The following PDSS2 variants were observed in gnomAD, a reference collection of about 807,000 sequenced individuals.
PDSS2 encodes the protein decaprenyl diphosphate synthase subunit 2, also known as all trans-polyprenyl-diphosphate synthase PDSS2.
In PDSS2, 31 loss-of-function variants were observed where a neutral mutation model predicts 44.5. The observed-to-expected ratio is 0.70, with a 90% CI of 0.52 to 0.94. The LOEUF (loss-of-function observed/expected upper bound fraction) is 0.94. Among genes scored for constraint, PDSS2 ranks in the 40% least tolerant of loss-of-function variants. The pLI is 0.00. For synonymous variants in PDSS2, 157 were observed against 180.3 expected, an observed-to-expected ratio of 0.87 and a Z score of 1.03; for missense variants, 452 against 482.2, an observed-to-expected ratio of 0.94 and a Z score of 0.59.
intron 1 of PDSS2, among the ~76,000 whole-genome samples, chr6:107,425,045 C>T (rs1337643162): frequency 6.6e-6 from 1 of 152,198 alleles, no homozygotes; most frequent in African/African-American, 2.4e-5. Context: ...TTTCCTTGTA[C>T]AAGATCTCTT....
intron 2 of PDSS2, among the ~76,000 whole-genome samples, chr6:107,282,405 T>C (rs1378198364): frequency 6.6e-6 from 1 of 152,016 alleles, no homozygotes; most frequent in East Asian, 1.9e-4. Flanking sequence ...ACAGTTTTTA[T>C]TTTTAGAAAC....
chr6:107,246,193 C>A (rs1208502157), intron 3 of PDSS2, among the ~76,000 whole-genome samples: 1 of 151,444 alleles, frequency 6.6e-6, no homozygotes, highest in Non-Finnish European at 1.5e-5. Flanking sequence ...ATTCATCAAA[C>A]CTGTATTATT....
rs143401376 is a variant in PDSS2, at chr6:107,200,776, C to T, written c.1009-6922G>A. Among the ~76,000 whole-genome samples, 112 of 152,194 alleles carry T rather than the reference C, an allele frequency of 7.4e-4. 2 individuals are homozygous for T. Among genetic ancestry groups the T allele is most frequent in the African/African-American group, 2.5e-3 (105 of 41,520 alleles). On this transcript the variant is annotated intron_variant, in intron 6 of 7. Transcript: ENST00000369037. Reference sequence around the variant, plus strand: ...CCACCTCTCAGGTTCAGGCGATTCTCCTACCTCAGCCTCCCTAGTAGCTGG... The same window carrying T: ...CCACCTCTCAGGTTCAGGCGATTCTTCTACCTCAGCCTCCCTAGTAGCTGG...
chr6:107,212,202 C>G lies in PDSS2; in HGVS notation c.783G>C (p.Lys261Asn). ...CTAATTCCATTGCAGCTTGGCAGCT[C>G]TTTGCTAGTAAGGCACCATGGGAGA... is the stretch of plus-strand genomic sequence containing the variant. ...TFLSHGALLA[K>N]SCQAAMELAK... The change falls in exon 5 of 8, where the codon AAG becomes AAC. Residue 261 changes from lysine to asparagine, a missense_variant. Physicochemically the swap from Lys to Asn is moderately conservative, Grantham distance 94. Coordinates refer to ENST00000369037, the MANE Select transcript of PDSS2 (RefSeq NM_020381.4). 6.2e-7 allele frequency: 1 copy of G among 1,613,828 alleles called. No individual in the cohort carries two copies. Among genetic ancestry groups the G allele is most frequent in the East Asian group, 2.2e-5 (1 of 44,880 alleles).
intron 4 of PDSS2, among the ~76,000 whole-genome samples, chr6:107,228,743 CAAACA>C (rs1454648823): frequency 1.2e-3 from 169 of 140,156 alleles, no homozygotes; most frequent in African/African-American, 4.3e-3. Context: ...AACAAACAAA[CAAACA>C]AAACAAATTC....
At chr6:107,444,797 G>A (rs1028242099) in intron 1 of PDSS2, among the ~76,000 whole-genome samples, 4 of 152,018 alleles carry the variant, frequency 2.6e-5, no homozygotes, top group African/African-American at 4.8e-5. Context: ...GTGAACTCAG[G>A]AACATAAAGT....
intron 1 of PDSS2, among the ~76,000 whole-genome samples, chr6:107,351,900 AATCT>A (rs1309088449): frequency 6.6e-6 from 1 of 152,186 alleles, no homozygotes; most frequent in Non-Finnish European, 1.5e-5. Context: ...TTTCTGAAAC[AATCT>A]ATCAGATGAT....
chr6:107,250,709 T>C (rs1168589596), intron 3 of PDSS2, among the ~76,000 whole-genome samples: 1 of 152,164 alleles, frequency 6.6e-6, no homozygotes, highest in Non-Finnish European at 1.5e-5. Context: ...AGACAAGTTG[T>C]GCCTTTCTCA....
chr6:107,262,959 A>T (rs892549748), intron 3 of PDSS2, among the ~76,000 whole-genome samples: 3 of 152,028 alleles, frequency 2.0e-5, no homozygotes, highest in Non-Finnish European at 2.9e-5. Flanking sequence ...AAAAATAATT[A>T]AAAAAATAAA....
intron 4 of PDSS2, among the ~76,000 whole-genome samples, chr6:107,225,977 C>T (rs1189334415): frequency 1.3e-5 from 2 of 152,160 alleles, no homozygotes; most frequent in African/African-American, 4.8e-5. Context: ...TTATTACAGT[C>T]TAATGGGGAA....
intron 2 of PDSS2, among the ~76,000 whole-genome samples, chr6:107,290,804 G>C (rs1255815112): frequency 6.6e-6 from 1 of 152,042 alleles, no homozygotes; most frequent in South Asian, 2.1e-4. Context: ...CAGCATTCTC[G>C]ATCCCTACTT....
chr6:107,225,167 T>A (rs1307571765), intron 4 of PDSS2, among the ~76,000 whole-genome samples: 14,346 of 40,054 alleles, frequency 0.36, 1,940 homozygotes, highest in South Asian at 0.51. Context: ...ATATATTTTT[T>A]TTTTTTTTTT....
intron 1 of PDSS2, among the ~76,000 whole-genome samples, chr6:107,446,208 C>T (rs199894949): frequency 2.6e-5 from 4 of 151,782 alleles, no homozygotes; most frequent in South Asian, 2.1e-4. Context: ...CCCAGCTACT[C>T]GGGAGGCTGA....
intron 4 of PDSS2, among the ~76,000 whole-genome samples, chr6:107,242,399 G>A (rs1774467562): frequency 6.6e-6 from 1 of 152,002 alleles, no homozygotes; most frequent in African/African-American, 2.4e-5. Flanking sequence ...GAGTAGCTGG[G>A]ACCACAGGCG....
chr6:107,398,328 A>G (rs149070361), intron 1 of PDSS2, among the ~76,000 whole-genome samples: 5 of 152,348 alleles, frequency 3.3e-5, no homozygotes, highest in Non-Finnish European at 7.3e-5. Context: ...CCTACTCCTT[A>G]GTAATATCTT....
At chr6:107,363,321 G>A (rs899481376) in intron 1 of PDSS2, among the ~76,000 whole-genome samples, 9 of 152,182 alleles carry the variant, frequency 5.9e-5, no homozygotes, top group South Asian at 2.1e-4. Flanking sequence ...AGACCCTCGC[G>A]GTGAGTCTTA....
chr6:107,299,776 A>T (rs944194803), intron 2 of PDSS2, among the ~76,000 whole-genome samples: 4 of 152,146 alleles, frequency 2.6e-5, no homozygotes, highest in Admixed American at 2.0e-4. Flanking sequence ...CATGCAAGCA[A>T]ATACTCATTA....
At chr6:107,234,372 A>T (rs1280567688) in intron 4 of PDSS2, among the ~76,000 whole-genome samples, 1 of 151,776 alleles carries the variant, frequency 6.6e-6, no homozygotes, top group Non-Finnish European at 1.5e-5. Flanking sequence ...TGCCCGGCTA[A>T]TTTTGTATTT....
intron 7 of PDSS2, among the ~76,000 whole-genome samples, chr6:107,165,791 C>A (rs1771322503): frequency 6.6e-6 from 1 of 152,002 alleles, no homozygotes; most frequent in African/African-American, 2.4e-5. Context: ...TTCTTCCTAT[C>A]CATGAGCATG....
Sources: allele counts gnomAD v4.1 joint callset (sites outside exome capture counted in the v4.1 genomes callset), GRCh38; gene constraint gnomAD v4.1.1; transcripts MANE v1.5; gene names NCBI Gene and HGNC (gene_info 2026-07-23, HGNC 2026-07-21).